MAG: variants seen among roughly 807,000 people sequenced by gnomAD.
MAG encodes myelin associated glycoprotein.
MAG carries 30 observed loss-of-function variants against 60.7 expected under a neutral mutation model. The ratio of observed to expected loss-of-function variants is 0.49; its 90% confidence interval spans 0.37 to 0.67. The LOEUF (loss-of-function observed/expected upper bound fraction) is 0.67, where lower values mean the gene tolerates loss of function less well. Ranked by LOEUF, MAG falls within the 30% of genes least tolerant of loss-of-function variation. MAG has a pLI of 0.00. For synonymous variants in MAG, 384 were observed against 376.8 expected, an observed-to-expected ratio of 1.02 and a Z score of -0.22; for missense variants, 795 against 851.7, an observed-to-expected ratio of 0.93 and a Z score of 0.83.
chr19:35,304,787 G>A (rs184612413), intron 7 of MAG, among the ~76,000 whole-genome samples: 3 of 152,064 alleles, frequency 2.0e-5, no homozygotes, highest in East Asian at 1.9e-4. Context: ...TGATCCACCC[G>A]CCTCGGCCTC....
rs1568468843 is a variant in MAG at position 35,292,222 on chromosome 19, G to C, written c.-80+18G>C. The C allele has an allele frequency of 2.2e-6, 1 of 456,030 alleles. No homozygotes were observed. The highest frequency in any genetic ancestry group is 4.4e-6 in the Non-Finnish European group (1 of 227,002). The allele number at this position is 456,030 out of a possible 1,614,324, so 28.2% of individuals were successfully genotyped here. On this transcript the variant is annotated intron_variant, in intron 1 of 10. Coordinates refer to ENST00000392213, the MANE Select transcript of MAG (RefSeq NM_002361.4). ...GAGTCCAAGTGAGTATGGTGGCAGG[G>C]AGGCCAGGGCAAGGGGAGCAGGGCA...
chr19:35,309,986 G>T lies in MAG; in HGVS notation c.1344G>T (p.Ser448=). The part of the protein sequence containing the change: ...PEPSVAFELP[S]RNVTVNESER... ...CGTCCGTGGCCTTTGAGCTGCCATC[G>T]CGCAATGTGACCGTGAACGAGAGCG... The change falls in exon 8 of 11, where the codon TCG becomes TCT. Residue 448 remains serine (S), a synonymous_variant. Coordinates refer to ENST00000392213, the MANE Select transcript of MAG (RefSeq NM_002361.4). The T allele has an allele frequency of 6.2e-7, 1 of 1,614,046 alleles. No individual in the cohort carries two copies. The highest frequency in any genetic ancestry group is 8.5e-7 in the Non-Finnish European group (1 of 1,179,946).
In MAG at chr19:35,295,754, G is replaced by C; in HGVS notation, c.188G>C (p.Ser63Thr). 6.2e-7 allele frequency: 1 copy of C among 1,613,902 alleles called. No homozygotes were observed. Among genetic ancestry groups the C allele is most frequent in the Non-Finnish European group, 8.5e-7 (1 of 1,180,020 alleles). The change falls in exon 4 of 11, where the codon AGC (serine) becomes ACC (threonine). Residue 63 changes from serine (S) to threonine (T), a missense_variant. Physicochemically the swap from Ser to Thr is moderately conservative, Grantham distance 58. Coordinates refer to ENST00000392213, the MANE Select transcript of MAG (RefSeq NM_002361.4). The surrounding 1 kb of genome is among the most constrained non-coding windows in gnomAD (Gnocchi z 5.8). ...GTGCATGGTGTCTGGTACTTCAATA[G>C]CCCCTACCCCAAGAACTACCCCCCG... ...AVVHGVWYFN[S>T]PYPKNYPPVV...
intron 4 of MAG, among the ~76,000 whole-genome samples, chr19:35,297,413 CCAAA>C (rs2066408064): frequency 6.9e-6 from 1 of 145,956 alleles, no homozygotes; most frequent in African/African-American, 2.5e-5. Context: ...AAACACCACA[CCAAA>C]CACACACCAC....
chr19:35,295,819 T>C lies in MAG; in HGVS notation c.253T>C (p.Phe85Leu), dbSNP rs1174786034. 2 of 1,613,824 alleles carry C rather than the reference T, an allele frequency of 1.2e-6. No individual in the cohort carries two copies. The highest frequency in any genetic ancestry group is 1.7e-6 in the Non-Finnish European group (2 of 1,180,016). Residue 85 changes from phenylalanine (F) to leucine (L), a missense_variant, in exon 4 of 11, where the codon TTC becomes CTC. Physicochemically the swap from Phe to Leu is conservative, Grantham distance 22. Coordinates refer to ENST00000392213, the MANE Select transcript of MAG (RefSeq NM_002361.4). This position sits in a 1 kb window ranked among gnomAD's most constrained non-coding sequence, Gnocchi z 5.8. Reference sequence around the variant, plus strand: ...GCGCACCCAAGTAGTCCACGAGAGCTTCCAGGGCCGCAGCCGCCTCCTGGG... The same window carrying C: ...GCGCACCCAAGTAGTCCACGAGAGCCTCCAGGGCCGCAGCCGCCTCCTGGG... ...KSRTQVVHES[F>L]QGRSRLLGDL...
Position 35,310,011 on chromosome 19 carries a change from G to C in MAG, c.1369G>C (p.Glu457Gln). ...PSRNVTVNES[E>Q]REFVYSERSG... Reference sequence around the variant, plus strand: ...GCGCAATGTGACCGTGAACGAGAGCGAGCGGGAGTTCGTGTACTCGGAGCG... The same window carrying C: ...GCGCAATGTGACCGTGAACGAGAGCCAGCGGGAGTTCGTGTACTCGGAGCG... Residue 457 changes from glutamate to glutamine, a missense_variant, in exon 8 of 11, where the codon GAG becomes CAG. Glu to Gln is a conservative substitution (Grantham distance 29). Transcript: ENST00000392213. 6.2e-7 allele frequency: 1 copy of C among 1,614,006 alleles called. No individual in the cohort carries two copies. The highest frequency in any genetic ancestry group is 1.1e-5 in the South Asian group (1 of 91,086).
At chr19:35,292,376 A>G (rs1220935531) in intron 1 of MAG, among the ~76,000 whole-genome samples, 172 bp downstream of exon 1, 2 of 152,030 alleles carry the variant, frequency 1.3e-5, no homozygotes, top group East Asian at 3.9e-4. Flanking sequence ...GGCTCGGACC[A>G]TCGCTGGGGC....
At chr19:35,311,285 T>G (rs752149343) in intron 9 of MAG, among the ~76,000 whole-genome samples, 44 of 151,882 alleles carry the variant, frequency 2.9e-4, no homozygotes, top group Admixed American at 4.6e-4. Context: ...CTGGGCAACA[T>G]AGGGAGACCC....
intron 6 of MAG, among the ~76,000 whole-genome samples, chr19:35,301,973 T>C (rs919601924): frequency 2.0e-5 from 3 of 152,182 alleles, no homozygotes; most frequent in Non-Finnish European, 4.4e-5. Flanking sequence ...TCCCAAACTG[T>C]AACTACCCTG....
chr19:35,309,471 A>G (rs2066508812), intron 7 of MAG, among the ~76,000 whole-genome samples: 1 of 151,824 alleles, frequency 6.6e-6, no homozygotes, highest in Non-Finnish European at 1.5e-5. Flanking sequence ...GGTTTTTTTG[A>G]GACAGCGTCT....
chr19:35,294,266 A>T lies in MAG; in HGVS notation c.-48A>T, dbSNP rs1221934273. 1 of 437,624 alleles carries T rather than the reference A, an allele frequency of 2.3e-6. No individual in the cohort carries two copies. Among genetic ancestry groups the T allele is most frequent in the Non-Finnish European group, 4.6e-6 (1 of 219,154 alleles). The allele number at this position is 437,624 out of a possible 1,614,324, so 27.1% of individuals were successfully genotyped here. ...TGGCGGCTTCAGGTGGACCCAGAAG[A>T]CGTCCCCAACTCAGGGAGATTCAGG... On this transcript the variant is annotated 5_prime_UTR_variant, in exon 2 of 11. Transcript: ENST00000392213.
chr19:35,307,982 C>A (rs1828194444), intron 7 of MAG, among the ~76,000 whole-genome samples: 1 of 152,088 alleles, frequency 6.6e-6, no homozygotes, highest in African/African-American at 2.4e-5. Context: ...CTGTGTGAGC[C>A]CCAAGGGTCT....
intron 10 of MAG, chr19:35,312,317 C>G (rs2066534339): frequency 6.2e-7 from 1 of 1,612,904 alleles, no homozygotes; most frequent in African/African-American, 1.3e-5. Flanking sequence ...TCACTGAGTG[C>G]CCCAGGAGGT....
rs112677293 is a variant in MAG, at chr19:35,293,468, C to A, written c.-79-767C>A. 1.3e-5 allele frequency among the ~76,000 whole-genome samples: 2 copies of A among 152,084 alleles called. No individual in the cohort carries two copies. The highest frequency in any genetic ancestry group is 4.1e-4 in the South Asian group (2 of 4,826). ...TGGGTGTCTGTATGAGTCTCCGCTG[C>A]GTGTGCCTGCCCCTTCTGGCTGGGG... On this transcript the variant is annotated intron_variant, in intron 1 of 10. Transcript: ENST00000392213. The surrounding 1 kb of genome is among the most constrained non-coding windows in gnomAD (Gnocchi z 4.0).
intron 7 of MAG, among the ~76,000 whole-genome samples, chr19:35,308,668 C>G (rs778854851): frequency 2.6e-5 from 4 of 152,208 alleles, no homozygotes; most frequent in Non-Finnish European, 4.4e-5. Flanking sequence ...AGGCTTTTTG[C>G]AAATTTGGCA....
At chr19:35,292,588 G>A (rs758231720) in intron 1 of MAG, among the ~76,000 whole-genome samples, 45 of 152,068 alleles carry the variant, frequency 3.0e-4, no homozygotes, top group Non-Finnish European at 2.6e-4. Flanking sequence ...AATCTGGGAG[G>A]TGGATGGGGG....
At chr19:35,309,662 C>G in intron 7 of MAG, 1 of 598,268 alleles carries the variant, frequency 1.7e-6, no homozygotes. Context: ...GTTAGTGAAG[C>G]TTGCAGTGAA....
chr19:35,300,519 T>A, intron 6 of MAG, 115 bp downstream of exon 6: 1 of 1,342,126 alleles, frequency 7.5e-7, no homozygotes, highest in African/African-American at 1.5e-5. Context: ...CCATAAACAG[T>A]CGAGGCCAAG....
chr19:35,299,038 C>CCA (rs2066425395), intron 4 of MAG, among the ~76,000 whole-genome samples: 1 of 133,468 alleles, frequency 7.5e-6, no homozygotes, highest in African/African-American at 2.6e-5. Flanking sequence ...CACCACACAC[C>CCA]CACACCACAC....
Sources: allele counts gnomAD v4.1 joint callset (sites outside exome capture counted in the v4.1 genomes callset), GRCh38; gene constraint gnomAD v4.1.1; non-coding constraint Gnocchi (gnomAD v3.1); transcripts MANE v1.5; gene names NCBI Gene and HGNC (gene_info 2026-07-23, HGNC 2026-07-21).